Variants in KDM1A observed in about 807,000 individuals in gnomAD.
KDM1A encodes the protein lysine-specific histone demethylase 1A.
In KDM1A, 49 loss-of-function variants were observed where a neutral mutation model predicts 109.4. That is an observed-to-expected ratio of 0.45 (90% CI 0.36 to 0.57). The LOEUF (loss-of-function observed/expected upper bound fraction) is 0.57. KDM1A is among the 20% of genes least tolerant of loss of function. The pLI is 0.00. For synonymous variants in KDM1A, 380 were observed against 415.4 expected (o/e 0.91, Z 1.04); for missense variants, 668 against 1,116.6 (o/e 0.60, Z 5.73).
rs1643679196 is a variant in KDM1A at position 23,083,389 on chromosome 1, G to T, written c.*25G>T. 1.9e-6 allele frequency: 3 copies of T among 1,587,930 alleles called. No individual in the cohort carries two copies. Among genetic ancestry groups the T allele is most frequent in the Admixed American group, 1.7e-5 (1 of 58,792 alleles). ...AGACAGATGCATTCTAAGGGAAGAGGCCCATGTGCCTGTTTCTGCCATGTA... is the reference window on the plus strand; with the variant it reads ...AGACAGATGCATTCTAAGGGAAGAGTCCCATGTGCCTGTTTCTGCCATGTA... On this transcript the variant is annotated 3_prime_UTR_variant, in exon 21 of 21. Transcript: ENST00000400181.
intron 4 of KDM1A, among the ~76,000 whole-genome samples, chr1:23,051,826 A>T (rs1406874239): frequency 6.6e-6 from 1 of 152,214 alleles, no homozygotes; most frequent in Non-Finnish European, 1.5e-5. Flanking sequence ...TGGCTATTAG[A>T]TTGCAAAACC....
intron 2 of KDM1A, among the ~76,000 whole-genome samples, chr1:23,043,961 A>G (rs926005630): frequency 2.0e-5 from 3 of 152,228 alleles, no homozygotes; most frequent in African/African-American, 7.2e-5. Flanking sequence ...GAGTCTTTTA[A>G]TTATACTCCT....
At chr1:23,030,092 A>T (rs1641936788) in intron 1 of KDM1A, among the ~76,000 whole-genome samples, 1 of 152,230 alleles carries the variant, frequency 6.6e-6, no homozygotes, top group Admixed American at 6.5e-5. Flanking sequence ...GGCTTTAGAC[A>T]GACTTGGTAT....
chr1:23,074,022 G>A (rs1239787209), intron 15 of KDM1A, among the ~76,000 whole-genome samples: 5 of 152,160 alleles, frequency 3.3e-5, no homozygotes, highest in Admixed American at 6.5e-5. Flanking sequence ...ATGGAAAGTG[G>A]ATTTTTAACT....
intron 18 of KDM1A, among the ~76,000 whole-genome samples, chr1:23,080,108 C>T (rs1643575100): frequency 1.3e-5 from 2 of 152,206 alleles, no homozygotes; most frequent in African/African-American, 4.8e-5. Flanking sequence ...TGTATGTAGA[C>T]TTGTAATATT....
At chr1:23,080,758 G>A (rs1156787022) in intron 18 of KDM1A, 1 of 152,154 alleles carries the variant, frequency 6.6e-6, no homozygotes, top group African/African-American at 2.4e-5. Context: ...TCAGCATTCA[G>A]GTCTTGACAT....
intron 1 of KDM1A, among the ~76,000 whole-genome samples, chr1:23,021,616 G>T (rs545167016): frequency 6.6e-6 from 1 of 152,370 alleles, no homozygotes; most frequent in East Asian, 1.9e-4. Context: ...AGTGAGCCCA[G>T]ATCGTGCCAC....
At chr1:23,075,820 G>T (rs766681071) in intron 15 of KDM1A, among the ~76,000 whole-genome samples, 15 of 150,644 alleles carry the variant, frequency 1.0e-4, no homozygotes, top group Admixed American at 2.0e-4. Context: ...GGTGGCGCAT[G>T]CCTGTAGTCT....
intron 3 of KDM1A, among the ~76,000 whole-genome samples, chr1:23,050,096 G>A (rs1642621965): frequency 6.6e-6 from 1 of 152,140 alleles, no homozygotes; most frequent in Admixed American, 6.5e-5. Flanking sequence ...ACACCTGTCA[G>A]TAGTGCTAAT....
At position 23,079,972 on chromosome 1, in the gene KDM1A, C is replaced by G. The variant is rs1643571023; in HGVS notation, c.2170+305C>G. ...GGGATAGGCCCAGGGAGGCTTCCTA[C>G]CAGGGGAAGCTTGCGTTCTCATTCT... On this transcript the variant is annotated intron_variant, in intron 18 of 20. Coordinates refer to ENST00000400181, the MANE Select transcript of KDM1A (RefSeq NM_001009999.3). The surrounding 1 kb of genome is among the most constrained non-coding windows in gnomAD (Gnocchi z 5.6). 6.6e-6 allele frequency among the ~76,000 whole-genome samples: 1 copy of G among 152,106 alleles called. No homozygotes were observed. The highest frequency in any genetic ancestry group is 1.5e-5 in the Non-Finnish European group (1 of 68,022).
chr1:23,027,008 G>T (rs2124354519), intron 1 of KDM1A, among the ~76,000 whole-genome samples: 1 of 151,812 alleles, frequency 6.6e-6, no homozygotes, highest in Non-Finnish European at 1.5e-5. Flanking sequence ...CTTTCAGATG[G>T]TTTTAAAACT....
At chr1:23,038,656 C>T (rs1423062437) in intron 2 of KDM1A, among the ~76,000 whole-genome samples, 1 of 152,138 alleles carries the variant, frequency 6.6e-6, no homozygotes, top group Non-Finnish European at 1.5e-5. Context: ...TTGCATTTCT[C>T]CCTAGCTTGT....
chr1:23,051,311 G>T (rs1642662879), intron 4 of KDM1A, among the ~76,000 whole-genome samples: 1 of 152,042 alleles, frequency 6.6e-6, no homozygotes, highest in Non-Finnish European at 1.5e-5. Flanking sequence ...ATTAACTCTG[G>T]ACAGTCTTAT....
intron 3 of KDM1A, among the ~76,000 whole-genome samples, chr1:23,045,158 C>T (rs1162937745): frequency 6.6e-6 from 1 of 152,154 alleles, no homozygotes; most frequent in African/African-American, 2.4e-5. Context: ...TCCCAGCAAT[C>T]CAAAATAACG....
At chr1:23,055,212 T>G in intron 6 of KDM1A, 51 bp downstream of exon 6, 4 of 1,061,004 alleles carry the variant, frequency 3.8e-6, no homozygotes, top group Non-Finnish European at 5.7e-6. Flanking sequence ...AGTTACGGTT[T>G]CAGGACTGTA....
At chr1:23,061,254 C>CT (rs572451452) in intron 9 of KDM1A, among the ~76,000 whole-genome samples, 6 of 149,854 alleles carry the variant, frequency 4.0e-5, no homozygotes, top group South Asian at 2.1e-4. Flanking sequence ...CAGATGGTGA[C>CT]TTTTTTTTTT....
At chr1:23,027,064 T>TAA (rs879478598) in intron 1 of KDM1A, among the ~76,000 whole-genome samples, 1 of 145,138 alleles carries the variant, frequency 6.9e-6, no homozygotes, top group Non-Finnish European at 1.5e-5. Flanking sequence ...TAAAATTATC[T>TAA]AAAAAAAAAA....
chr1:23,024,036 A>G (rs989884233), intron 1 of KDM1A, among the ~76,000 whole-genome samples: 23 of 151,974 alleles, frequency 1.5e-4, no homozygotes, highest in Non-Finnish European at 1.5e-5. Context: ...TTTTGTAGAA[A>G]TGGCTTCTCC....
chr1:23,071,140 T>C (rs1643307278), intron 12 of KDM1A, 85 bp from the exon 13 acceptor site: 2 of 1,160,114 alleles, frequency 1.7e-6, no homozygotes, highest in East Asian at 4.8e-5. Context: ...GATAGCAGTT[T>C]TGAGGAGCCA....
Sources: allele counts gnomAD v4.1 joint callset (sites outside exome capture counted in the v4.1 genomes callset), GRCh38; gene constraint gnomAD v4.1.1; non-coding constraint Gnocchi (gnomAD v3.1); transcripts MANE v1.5; gene names NCBI Gene and HGNC (gene_info 2026-07-23, HGNC 2026-07-21).